The following APP variants were observed in gnomAD, a reference collection of about 807,000 sequenced individuals.
The protein encoded by APP is amyloid beta precursor protein.
A neutral mutation model predicts 101.4 loss-of-function variants in APP; 31 were observed. That is an observed-to-expected ratio of 0.31 (90% confidence interval 0.23 to 0.41). The LOEUF is 0.41. Among genes scored for constraint, APP ranks in the 10% least tolerant of loss-of-function variants. The probability of loss-of-function intolerance (pLI) is 1.00; values close to 1 mark genes in which losing one functional copy is unlikely to be tolerated. For missense variants in APP, 839 were observed against 1,003.7 expected (o/e 0.84, Z 2.22); for synonymous variants, 366 against 364.4 (o/e 1.00, Z -0.05).
At chr21:26,068,033 G>A (rs1261331031) in intron 3 of APP, 1 of 152,110 alleles carries the variant, frequency 6.6e-6, no homozygotes, top group Non-Finnish European at 1.5e-5. Context: ...CAACCAGGTT[G>A]GTGTTCCGTG....
chr21:26,124,038 G>A (rs968071552), intron 1 of APP, among the ~76,000 whole-genome samples: 3 of 151,538 alleles, frequency 2.0e-5, no homozygotes, highest in Non-Finnish European at 4.4e-5. Context: ...ACTGTCTAGG[G>A]GTTATTCCCT....
At chr21:25,935,818 C>G (rs1257446089) in intron 13 of APP, among the ~76,000 whole-genome samples, 4 of 105,702 alleles carry the variant, frequency 3.8e-5, no homozygotes, top group Non-Finnish European at 7.0e-5. Flanking sequence ...CCAGCCTGGG[C>G]AACAGAGTGA....
chr21:26,139,287 T>C (rs1036366982), intron 1 of APP, among the ~76,000 whole-genome samples: 5 of 152,224 alleles, frequency 3.3e-5, no homozygotes, highest in Admixed American at 6.5e-5. Flanking sequence ...ATCGTGTGCA[T>C]ACCTTAATCT....
At chr21:26,152,290 A>AAAAAAAAAAAACC in intron 1 of APP, among the ~76,000 whole-genome samples, 1 of 144,972 alleles carries the variant, frequency 6.9e-6, no homozygotes, top group African/African-American at 2.7e-5. Flanking sequence ...ATCTCAAAAA[A>AAAAAAAAAAAACC]AAAAAAAAAA....
intron 15 of APP, 92 bp from the exon 16 acceptor site, chr21:25,897,765 T>C: frequency 1.9e-6 from 2 of 1,036,132 alleles, no homozygotes; most frequent in South Asian, 2.5e-5. Flanking sequence ...CCAAAACTTC[T>C]TTCTAGGCCT....
At chr21:26,084,304 TCTCGG>T (rs1438591805) in intron 3 of APP, among the ~76,000 whole-genome samples, 1 of 142,202 alleles carries the variant, frequency 7.0e-6, no homozygotes, top group African/African-American at 2.6e-5. Flanking sequence ...AGTGGCGCGA[TCTCGG>T]CTCACGGCAA....
chr21:26,012,975 CAACAA>C (rs146168082), intron 6 of APP, among the ~76,000 whole-genome samples: 3,927 of 147,776 alleles, frequency 0.027, 188 homozygotes, highest in African/African-American at 0.094. Flanking sequence ...GACTCCATGT[CAACAA>C]AACAAAACAA....
intron 3 of APP, among the ~76,000 whole-genome samples, chr21:26,077,332 T>A (rs2061516851): frequency 6.6e-6 from 1 of 152,106 alleles, no homozygotes; most frequent in African/African-American, 2.4e-5. Context: ...GCCCACCCCT[T>A]TCCCTTCCCA....
At chr21:26,117,690 T>C (rs1381595464) in intron 1 of APP, among the ~76,000 whole-genome samples, 1 of 152,204 alleles carries the variant, frequency 6.6e-6, no homozygotes, top group Non-Finnish European at 1.5e-5. Context: ...TGTGTGTGCA[T>C]GTATTTGTGG....
chr21:26,122,698 C>T (rs1000642823), intron 1 of APP, among the ~76,000 whole-genome samples: 7 of 149,316 alleles, frequency 4.7e-5, no homozygotes, highest in African/African-American at 1.5e-4. Context: ...TCAAGTAACA[C>T]GTATGAAGAA....
At chr21:25,986,558 G>A (rs2042644008) in intron 8 of APP, among the ~76,000 whole-genome samples, 1 of 152,154 alleles carries the variant, frequency 6.6e-6, no homozygotes, top group Non-Finnish European at 1.5e-5. Flanking sequence ...AAATTAGCAG[G>A]GTGTGGTGGC....
At chr21:25,883,897 G>C (rs2037154894) in intron 17 of APP, among the ~76,000 whole-genome samples, 1 of 152,002 alleles carries the variant, frequency 6.6e-6, no homozygotes, top group African/African-American at 2.4e-5. Flanking sequence ...CATCCATTAT[G>C]TGCCCATTTT....
chr21:26,168,175 A>C (rs948686241), intron 1 of APP, among the ~76,000 whole-genome samples: 1 of 152,204 alleles, frequency 6.6e-6, no homozygotes, highest in African/African-American at 2.4e-5. Context: ...CTCTATCAAC[A>C]TACCAGCCAA....
chr21:26,170,673 C>G lies in APP; in HGVS notation c.-53G>C. 8 of 1,476,516 alleles carry G rather than the reference C, an allele frequency of 5.4e-6. No individual in the cohort carries two copies. The highest frequency in any genetic ancestry group is 7.2e-6 in the Non-Finnish European group (8 of 1,118,230). 91.5% of individuals were successfully genotyped at this position (1,476,516 alleles called of 1,614,324 possible). A position where few individuals can be genotyped will look rare whatever the true frequency, so the allele number is the denominator to read the frequency against. Reference sequence around the variant, plus strand: ...GCTGCTGTGCGAGTGGGATCCGCCGCGTCCTTGCTCTGCCCGCGCCGCCAC... The same window carrying G: ...GCTGCTGTGCGAGTGGGATCCGCCGGGTCCTTGCTCTGCCCGCGCCGCCAC... On this transcript the variant is annotated 5_prime_UTR_variant, in exon 1 of 18. Transcript: ENST00000346798.
chr21:25,967,180 C>T (rs1457567979), intron 11 of APP, among the ~76,000 whole-genome samples: 1 of 152,070 alleles, frequency 6.6e-6, no homozygotes, highest in Admixed American at 6.6e-5. Flanking sequence ...AAGAAGGATG[C>T]CGATGCTATA....
intron 13 of APP, among the ~76,000 whole-genome samples, chr21:25,930,244 G>A (rs950271613): frequency 3.5e-4 from 54 of 152,162 alleles, no homozygotes; most frequent in Non-Finnish European, 7.4e-5. Flanking sequence ...GACCAGCCCC[G>A]TCTCTCAAGC....
intron 2 of APP, among the ~76,000 whole-genome samples, chr21:26,107,042 C>T (rs1439349906): frequency 6.6e-6 from 1 of 152,174 alleles, no homozygotes; most frequent in Non-Finnish European, 1.5e-5. Context: ...CTTGCAGACC[C>T]TGAGGGTGGC....
intron 6 of APP, among the ~76,000 whole-genome samples, chr21:26,008,857 G>A (rs2043654602): frequency 6.6e-6 from 1 of 152,086 alleles, no homozygotes. Flanking sequence ...TAACACCAAA[G>A]GTAAGAATGG....
chr21:26,117,210 C>G (rs976753699), intron 1 of APP, among the ~76,000 whole-genome samples: 1 of 152,208 alleles, frequency 6.6e-6, no homozygotes, highest in African/African-American at 2.4e-5. Context: ...TCTATCACAT[C>G]CATGGTTTCC....
Sources: allele counts gnomAD v4.1 joint callset (sites outside exome capture counted in the v4.1 genomes callset), GRCh38; gene constraint gnomAD v4.1.1; transcripts MANE v1.5; gene names NCBI Gene and HGNC (gene_info 2026-07-23, HGNC 2026-07-21).